SPATA16: variants seen among roughly 807,000 people sequenced by gnomAD.
SPATA16 encodes spermatogenesis-associated protein 16.
Under a neutral mutation model 63.3 loss-of-function variants are expected in SPATA16, and 36 were observed. The ratio of observed to expected loss-of-function variants is 0.57; its 90% CI spans 0.44 to 0.75. SPATA16 has a LOEUF of 0.75. Among genes scored for constraint, SPATA16 ranks in the 30% least tolerant of loss-of-function variants. The pLI is 0.00. For synonymous variants in SPATA16, 203 were observed against 216.7 expected (o/e 0.94, Z 0.56); for missense variants, 646 against 679.3 (o/e 0.95, Z 0.54).
chr3:173,050,977 A>G (rs1736075617), intron 2 of SPATA16, among the ~76,000 whole-genome samples: 1 of 152,248 alleles, frequency 6.6e-6, no homozygotes, highest in Non-Finnish European at 1.5e-5. Flanking sequence ...ATAATTTTAG[A>G]AAGCATGATA....
intron 2 of SPATA16, among the ~76,000 whole-genome samples, chr3:173,097,091 A>G (rs1414841325): frequency 6.6e-6 from 1 of 152,116 alleles, no homozygotes; most frequent in Non-Finnish European, 1.5e-5. Flanking sequence ...ATTGCACACT[A>G]TTGTGTGTAA....
At chr3:172,927,672 AC>A (rs1560069203) in intron 6 of SPATA16, among the ~76,000 whole-genome samples, 1 of 152,200 alleles carries the variant, frequency 6.6e-6, no homozygotes, top group African/African-American at 2.4e-5. Context: ...GAGCATAGGG[AC>A]CAGAATTGAA....
intron 7 of SPATA16, 133 bp from the exon 8 acceptor site, chr3:172,924,450 T>A: frequency 1.5e-6 from 1 of 673,686 alleles, no homozygotes; most frequent in African/African-American, 1.8e-5. Flanking sequence ...ACTAGTCCCA[T>A]CCCTAGACCA....
At chr3:173,132,745 T>C in intron 1 of SPATA16, among the ~76,000 whole-genome samples, 1 of 152,288 alleles carries the variant, frequency 6.6e-6, no homozygotes, top group Middle Eastern at 3.4e-3. Context: ...CAAATTAATG[T>C]AACAAAAAAT....
chr3:172,991,570 C>G (rs1187061003), intron 4 of SPATA16, among the ~76,000 whole-genome samples: 1 of 152,182 alleles, frequency 6.6e-6, no homozygotes, highest in Non-Finnish European at 1.5e-5. Flanking sequence ...TAGAATTTAT[C>G]TGATGCAATC....
intron 8 of SPATA16, among the ~76,000 whole-genome samples, chr3:172,917,982 T>C (rs1031910953): frequency 2.0e-5 from 3 of 152,218 alleles, no homozygotes; most frequent in African/African-American, 7.2e-5. Flanking sequence ...CACCTACATA[T>C]GCTGTTCAGT....
intron 1 of SPATA16, among the ~76,000 whole-genome samples, chr3:173,139,180 T>C (rs1738631859): frequency 6.6e-6 from 1 of 152,252 alleles, no homozygotes; most frequent in East Asian, 1.9e-4. Flanking sequence ...TATTGTTCTA[T>C]CATTATCATC....
intron 2 of SPATA16, among the ~76,000 whole-genome samples, chr3:173,068,072 G>C (rs1353311689): frequency 6.7e-6 from 1 of 148,214 alleles, no homozygotes; most frequent in South Asian, 2.1e-4. Flanking sequence ...ACTCTAGGCT[G>C]GTCTTAAAAG....
At chr3:172,961,003 TTTC>T (rs1400113701) in intron 5 of SPATA16, among the ~76,000 whole-genome samples, 1 of 141,088 alleles carries the variant, frequency 7.1e-6, no homozygotes, top group African/African-American at 2.9e-5. Flanking sequence ...TTTCTTTCTC[TTTC>T]TTTCTTTCTT....
chr3:173,050,633 C>T (rs1417310423), intron 2 of SPATA16, among the ~76,000 whole-genome samples: 1 of 151,502 alleles, frequency 6.6e-6, no homozygotes. Context: ...AAGCTATTAC[C>T]CCTTTTCTGG....
intron 3 of SPATA16, among the ~76,000 whole-genome samples, chr3:173,020,025 G>T (rs1028713104): frequency 6.6e-6 from 1 of 151,676 alleles, no homozygotes; most frequent in African/African-American, 2.4e-5. Flanking sequence ...GCTGGGTGCG[G>T]TGGCTCATGC....
At chr3:173,074,791 A>G (rs1736750857) in intron 2 of SPATA16, among the ~76,000 whole-genome samples, 1 of 152,106 alleles carries the variant, frequency 6.6e-6, no homozygotes, top group Non-Finnish European at 1.5e-5. Flanking sequence ...TGAGATCAGG[A>G]GTTCAAGACC....
intron 2 of SPATA16, among the ~76,000 whole-genome samples, chr3:173,057,314 C>T (rs963174434): frequency 4.0e-5 from 6 of 151,866 alleles, no homozygotes; most frequent in South Asian, 2.1e-4. Context: ...GGGGTTTCAC[C>T]GTGTTAGCCA....
intron 5 of SPATA16, among the ~76,000 whole-genome samples, chr3:172,971,996 G>T (rs941500562): frequency 2.0e-5 from 3 of 152,164 alleles, no homozygotes; most frequent in Non-Finnish European, 4.4e-5. Context: ...CCGTCTTTGA[G>T]CATGTGGCTG....
chr3:172,950,412 A>G (rs143894045), intron 6 of SPATA16, among the ~76,000 whole-genome samples: 1 of 152,334 alleles, frequency 6.6e-6, no homozygotes, highest in Non-Finnish European at 1.5e-5. Context: ...TGATTCTAAG[A>G]AGAATTCTGC....
At chr3:172,984,121 GAATTAA>G (rs1015290484) in intron 4 of SPATA16, among the ~76,000 whole-genome samples, 3 of 152,078 alleles carry the variant, frequency 2.0e-5, no homozygotes, top group Admixed American at 6.6e-5. Context: ...ATATTTAAAT[GAATTAA>G]AATTAAAATT....
intron 2 of SPATA16, among the ~76,000 whole-genome samples, chr3:173,081,266 T>G (rs1736916546): frequency 6.6e-6 from 1 of 152,192 alleles, no homozygotes; most frequent in Non-Finnish European, 1.5e-5. Context: ...TATATTAGAT[T>G]AACCGCTTGT....
intron 10 of SPATA16, among the ~76,000 whole-genome samples, chr3:172,912,917 G>A (rs898352665): frequency 3.3e-5 from 5 of 152,156 alleles, no homozygotes; most frequent in Non-Finnish European, 7.4e-5. Context: ...GTTTCCTCAG[G>A]TGCTCCAGAA....
chr3:173,069,243 A>G (rs1389068074), intron 2 of SPATA16, among the ~76,000 whole-genome samples: 2 of 152,138 alleles, frequency 1.3e-5, no homozygotes, highest in African/African-American at 2.4e-5. Flanking sequence ...AACTTTTAGC[A>G]AGACTAAGAA....
Sources: gnomAD v4.1 joint callset for allele counts (sites outside exome capture counted in the v4.1 genomes callset) on GRCh38, gnomAD v4.1.1 for gene constraint, MANE v1.5 for transcripts, NCBI Gene and HGNC (gene_info 2026-07-23, HGNC 2026-07-21) for gene names.